MGAT5: variants seen among roughly 807,000 people sequenced by gnomAD.
MGAT5 encodes alpha-1,6-mannosylglycoprotein 6-beta-N-acetylglucosaminyltransferase, also known as alpha-1,6-mannosylglycoprotein 6-beta-N-acetylglucosaminyltransferase A.
Under a neutral mutation model 94.3 loss-of-function variants are expected in MGAT5, and 30 were observed. The observed-to-expected ratio is 0.32, with a 90% CI of 0.24 to 0.43. The LOEUF is 0.43. MGAT5 is among the 20% of genes least tolerant of loss of function. MGAT5 has a pLI of 1.00. For missense variants in MGAT5, 691 were observed against 905.5 expected, an observed-to-expected ratio of 0.76 and a Z score of 3.04; for synonymous variants, 310 against 322.9, an observed-to-expected ratio of 0.96 and a Z score of 0.43.
At chr2:134,262,651 G>A (rs1460303539) in intron 1 of MGAT5, among the ~76,000 whole-genome samples, 1 of 152,230 alleles carries the variant, frequency 6.6e-6, no homozygotes, top group Non-Finnish European at 1.5e-5. Flanking sequence ...CTTCCAAAGT[G>A]CTGGGATTAC....
At position 134,156,180 on chromosome 2, in the gene MGAT5, G is replaced by A. The variant is rs369712781; in HGVS notation, c.-143+35889G>A. 1.9e-4 allele frequency among the ~76,000 whole-genome samples: 29 copies of A among 152,210 alleles called. 1 individual carries two copies. In the East Asian group the frequency reaches 4.8e-3, roughly 25 times the overall value. ...CTTGTGCGCTTCTGCACAGGCCGCC[G>A]GTCTGTGCATGAGATCTTGTTTATT... On this transcript the variant is annotated intron_variant, in intron 1 of 16. Transcript: ENST00000409645.
chr2:134,441,080 G>A (rs1201415892), intron 14 of MGAT5, among the ~76,000 whole-genome samples: 5 of 152,024 alleles, frequency 3.3e-5, no homozygotes, highest in South Asian at 2.1e-4. Context: ...TTGTCATTTC[G>A]CTTAACGTTG....
intron 1 of MGAT5, chr2:134,231,212 C>T (rs1277535081): frequency 6.6e-6 from 1 of 152,120 alleles, no homozygotes; most frequent in Admixed American, 6.5e-5. Flanking sequence ...GCCACACTAC[C>T]TTGAATGTGT....
intron 1 of MGAT5, among the ~76,000 whole-genome samples, chr2:134,241,591 G>A (rs1681975566): frequency 1.3e-5 from 2 of 152,178 alleles, no homozygotes; most frequent in Admixed American, 1.3e-4. Context: ...TGGGCAAATG[G>A]TAATTTGCCA....
At chr2:134,411,539 A>G (rs1683659233) in intron 11 of MGAT5, among the ~76,000 whole-genome samples, 1 of 152,258 alleles carries the variant, frequency 6.6e-6, no homozygotes, top group Admixed American at 6.5e-5. Context: ...AAATAGGTCC[A>G]GAAAACCTGA....
chr2:134,378,064 T>C (rs1462573746), intron 10 of MGAT5, among the ~76,000 whole-genome samples: 5 of 152,196 alleles, frequency 3.3e-5, no homozygotes, highest in Admixed American at 3.3e-4. Flanking sequence ...TGGATTGATA[T>C]TCAGCTCCAA....
chr2:134,146,861 C>A (rs1166550859), intron 1 of MGAT5, among the ~76,000 whole-genome samples: 1 of 152,116 alleles, frequency 6.6e-6, no homozygotes, highest in East Asian at 1.9e-4. Context: ...TGTATTACTT[C>A]ATGAATGGAA....
rs1366519524 is a variant in MGAT5 at position 134,452,491 on chromosome 2, G to A, written c.*3644G>A. On this transcript the variant is annotated 3_prime_UTR_variant, in exon 16 of 16. Coordinates refer to ENST00000281923, the MANE Select transcript of MGAT5 (RefSeq NM_002410.5). ...AAAGTGAATAATGAGCTTCCCCTTTGGGAGTGGAGCCCAGTGCAGCTCACT... is the reference window on the plus strand; with the variant it reads ...AAAGTGAATAATGAGCTTCCCCTTTAGGAGTGGAGCCCAGTGCAGCTCACT... The A allele has an allele frequency of 6.6e-6, 1 of 152,226 alleles. No homozygotes were observed. The highest frequency in any genetic ancestry group is 1.9e-4 in the East Asian group (1 of 5,194). 9.4% of individuals were successfully genotyped at this position (152,226 alleles called of 1,614,324 possible).
intron 1 of MGAT5, among the ~76,000 whole-genome samples, chr2:134,142,552 T>G (rs545698475): frequency 2.0e-5 from 3 of 152,336 alleles, no homozygotes; most frequent in Non-Finnish European, 2.9e-5. Flanking sequence ...ATGAGTGAAC[T>G]GAGGCACAGA....
At chr2:134,383,167 T>C (rs923125805) in intron 10 of MGAT5, among the ~76,000 whole-genome samples, 7 of 152,246 alleles carry the variant, frequency 4.6e-5, no homozygotes, top group African/African-American at 1.7e-4. Context: ...GACAGCGTTA[T>C]AGTTTTATGG....
intron 1 of MGAT5, among the ~76,000 whole-genome samples, chr2:134,149,175 A>C (rs755027676): frequency 1.3e-5 from 2 of 152,200 alleles, no homozygotes; most frequent in African/African-American, 2.4e-5. Flanking sequence ...AATGGGAAGG[A>C]AAGAACAGCC....
intron 6 of MGAT5, 27 bp downstream of exon 6, chr2:134,338,447 T>C (rs752956747): frequency 1.3e-6 from 2 of 1,558,590 alleles, no homozygotes; most frequent in Non-Finnish European, 1.7e-6. Context: ...TTCAGTGCAG[T>C]TAGATGCCAG....
chr2:134,419,567 T>A (rs1684184090), intron 12 of MGAT5, among the ~76,000 whole-genome samples: 2 of 151,852 alleles, frequency 1.3e-5, no homozygotes, highest in Non-Finnish European at 2.9e-5. Context: ...AATAAGATTT[T>A]CATTACTTTT....
chr2:134,141,061 T>C (rs1199126938), intron 1 of MGAT5, among the ~76,000 whole-genome samples: 4 of 152,184 alleles, frequency 2.6e-5, no homozygotes, highest in Admixed American at 6.5e-5. Context: ...GATGAAGAGA[T>C]AATGCTGTTA....
chr2:134,226,603 G>A (rs1681077265), intron 1 of MGAT5, among the ~76,000 whole-genome samples: 1 of 152,118 alleles, frequency 6.6e-6, no homozygotes, highest in Admixed American at 6.5e-5. Flanking sequence ...ATGTAAAATG[G>A]GAAGCAAATA....
At chr2:134,364,442 G>T (rs1024569219) in intron 10 of MGAT5, among the ~76,000 whole-genome samples, 1 of 152,278 alleles carries the variant, frequency 6.6e-6, no homozygotes, top group East Asian at 1.9e-4. Context: ...GGATGTTGCA[G>T]TGAGCTGAGA....
Position 134,345,778 on chromosome 2 carries a change from A to G in MGAT5, c.1112+714A>G, listed in dbSNP as rs182471648. ...CTGTGTCCGACACTACTTTTAACAC[A>G]TGCATTTTTAACAATGTGAGAGTAG... On this transcript the variant is annotated intron_variant, in intron 8 of 15. Transcript: ENST00000281923. Among the ~76,000 whole-genome samples the G allele has an allele frequency of 5.9e-5, 9 of 152,320 alleles. No individual in the cohort carries two copies. The East Asian group carries it at 1.7e-3, about 29-fold the overall frequency.
intron 1 of MGAT5, among the ~76,000 whole-genome samples, chr2:134,223,276 T>C (rs1160804822): frequency 1.3e-5 from 2 of 152,070 alleles, no homozygotes; most frequent in Non-Finnish European, 2.9e-5. Flanking sequence ...GACCTTACAA[T>C]CTTACGTACC....
At chr2:134,166,160 G>A (rs144759269) in intron 1 of MGAT5, among the ~76,000 whole-genome samples, 2 of 152,140 alleles carry the variant, frequency 1.3e-5, no homozygotes, top group African/African-American at 4.8e-5. Context: ...CTTTTCACAC[G>A]TATTGAGCCA....
Sources: allele counts gnomAD v4.1 joint callset (sites outside exome capture counted in the v4.1 genomes callset), GRCh38; gene constraint gnomAD v4.1.1; transcripts MANE v1.5; gene names NCBI Gene and HGNC (gene_info 2026-07-23, HGNC 2026-07-21).